Variants in INVS observed in about 807,000 individuals in gnomAD.
The protein encoded by INVS is inversin, also known as inversion of embryo turning homolog.
INVS carries 86 observed loss-of-function variants against 108.8 expected under a neutral mutation model. The observed-to-expected ratio is 0.79, with a 90% CI of 0.66 to 0.95. The LOEUF (loss-of-function observed/expected upper bound fraction) is 0.95, where lower values mean the gene tolerates loss of function less well. Ranked by LOEUF, INVS falls within the 40% of genes least tolerant of loss-of-function variation. INVS has a pLI of 0.00. For synonymous variants in INVS, 455 were observed against 473.5 expected, an observed-to-expected ratio of 0.96 and a Z score of 0.51; for missense variants, 1,169 against 1,297.4, an observed-to-expected ratio of 0.90 and a Z score of 1.52.
At chr9:100,100,912 T>A (rs182078227) in intron 1 of INVS, among the ~76,000 whole-genome samples, 539 of 19,760 alleles carry the variant, frequency 0.027, 106 homozygotes, top group African/African-American at 0.21. Flanking sequence ...TGTATATATA[T>A]TATATGTATA....
chr9:100,100,801 ATGT>A (rs1826876020), intron 1 of INVS, among the ~76,000 whole-genome samples: 4 of 10,052 alleles, frequency 4.0e-4, no homozygotes, highest in African/African-American at 3.5e-4. Flanking sequence ...TATATAATAT[ATGT>A]ATATATAATA....
chr9:100,280,808 C>G (rs12003468), intron 12 of INVS, among the ~76,000 whole-genome samples: 28,010 of 152,124 alleles, frequency 0.18, 3,102 homozygotes, highest in African/African-American at 0.32. Flanking sequence ...CTAGTTATGG[C>G]TGAGTGTGGT....
At chr9:100,278,381 G>A (rs2806696) in intron 12 of INVS, among the ~76,000 whole-genome samples, 50,711 of 151,470 alleles carry the variant, frequency 0.33, 9,157 homozygotes, top group Non-Finnish European at 0.42. Flanking sequence ...TTTTCTCCCC[G>A]TTTAATTAGT....
At position 100,242,691 on chromosome 9, in the gene INVS, A is replaced by G; in HGVS notation, c.906+12A>G. The G allele has an allele frequency of 1.4e-6, 2 of 1,406,402 alleles. No homozygotes were observed. The highest frequency in any genetic ancestry group is 2.0e-6 in the Non-Finnish European group (2 of 990,764). 87.1% of individuals were successfully genotyped at this position (1,406,402 alleles called of 1,614,324 possible). On this transcript the variant is annotated intron_variant, in intron 7 of 16. Coordinates refer to ENST00000262457, the MANE Select transcript of INVS (RefSeq NM_014425.5). ...AGAGTAACTTTGCTGTAAGTAAAAC[A>G]AGACAATGCTCTTTTTTCTTAGTGA...
At chr9:100,228,664 GT>G (rs971753798) in intron 4 of INVS, among the ~76,000 whole-genome samples, 63 of 152,224 alleles carry the variant, frequency 4.1e-4, no homozygotes, top group Middle Eastern at 3.4e-3. Context: ...TGCCTAAGAG[GT>G]CAGATTCTGG....
chr9:100,173,653 C>T (rs976180369), intron 3 of INVS, among the ~76,000 whole-genome samples: 13 of 152,198 alleles, frequency 8.5e-5, no homozygotes, highest in East Asian at 7.7e-4. Flanking sequence ...CGCTTGAACC[C>T]GGGAGGCAGA....
At chr9:100,185,516 AATAT>A (rs35603398) in intron 3 of INVS, among the ~76,000 whole-genome samples, 1,408 of 110,546 alleles carry the variant, frequency 0.013, 12 homozygotes, top group African/African-American at 0.023. Flanking sequence ...TATGCATAGA[AATAT>A]ATATATATAT....
At chr9:100,133,800 CACACAT>C (rs1020272207) in intron 3 of INVS, among the ~76,000 whole-genome samples, 14 of 148,330 alleles carry the variant, frequency 9.4e-5, no homozygotes, top group African/African-American at 3.7e-4. Flanking sequence ...CACACACACA[CACACAT>C]ACACACATCC....
chr9:100,270,853 A>G (rs2491098), intron 11 of INVS, among the ~76,000 whole-genome samples: 78,313 of 149,710 alleles, frequency 0.52, 21,325 homozygotes, highest in African/African-American at 0.57. Flanking sequence ...GCCCAGGAGG[A>G]GTCGAGGCTG....
chr9:100,147,923 C>T (rs1588038839), intron 3 of INVS, among the ~76,000 whole-genome samples: 2 of 151,880 alleles, frequency 1.3e-5, no homozygotes, highest in East Asian at 3.9e-4. Flanking sequence ...ATGGCTTACA[C>T]CTGTAATCCC....
intron 13 of INVS, among the ~76,000 whole-genome samples, chr9:100,291,636 A>G (rs953665276): frequency 6.6e-6 from 1 of 152,186 alleles, no homozygotes; most frequent in African/African-American, 2.4e-5. Context: ...ATCCTGGGAT[A>G]TCTCCATCCT....
chr9:100,214,345 C>G (rs1181498182), intron 3 of INVS, among the ~76,000 whole-genome samples: 2 of 152,136 alleles, frequency 1.3e-5, no homozygotes, highest in Admixed American at 1.3e-4. Flanking sequence ...TTACAGGGGC[C>G]AAAAAGCAAC....
intron 3 of INVS, among the ~76,000 whole-genome samples, chr9:100,136,055 A>G (rs1443579271): frequency 2.0e-5 from 3 of 152,060 alleles, no homozygotes; most frequent in Admixed American, 2.0e-4. Context: ...TTCCTTTTCC[A>G]CTAAATGACT....
chr9:100,294,202 A>G (rs1833718257), intron 14 of INVS, among the ~76,000 whole-genome samples: 1 of 152,192 alleles, frequency 6.6e-6, no homozygotes. Context: ...TGTCGCCGCC[A>G]TCACTGGGGA....
chr9:100,210,426 A>G lies in INVS; in HGVS notation c.274-15636A>G, dbSNP rs142065506. On this transcript the variant is annotated intron_variant, in intron 3 of 16. Coordinates refer to ENST00000262457, the MANE Select transcript of INVS (RefSeq NM_014425.5). ...ATTCAGAAAATACTTATTGCCCTCC[A>G]TATCAAAGAAATTGGGAGCAGGAAC... Among the ~76,000 whole-genome samples the G allele has an allele frequency of 3.4e-3, 518 of 152,326 alleles. 2 individuals are homozygous for G. Among genetic ancestry groups the G allele is most frequent in the African/African-American group, 0.011 (470 of 41,572 alleles).
chr9:100,262,973 C>T (rs376544702), intron 10 of INVS, among the ~76,000 whole-genome samples: 1 of 152,124 alleles, frequency 6.6e-6, no homozygotes, highest in Non-Finnish European at 1.5e-5. Flanking sequence ...TGTTCTTGAA[C>T]TCCTGAGCTC....
intron 3 of INVS, chr9:100,129,779 T>A: frequency 3.1e-6 from 2 of 647,778 alleles, no homozygotes; most frequent in Non-Finnish European, 5.7e-6. Context: ...TTTTCCTTTA[T>A]GACATTTTCC....
Position 100,263,699 on chromosome 9 carries a change from A to G in INVS, c.1465-1123A>G, listed in dbSNP as rs974871277. ...GTAACATAACATATTCACAGGTACC[A>G]GGCACTAGGATATGGACATCTTTGT... On this transcript the variant is annotated intron_variant, in intron 10 of 16. Transcript: ENST00000262457. Among the ~76,000 whole-genome samples, 47 of 152,232 alleles carry G rather than the reference A, an allele frequency of 3.1e-4. 1 individual carries two copies. The highest frequency in any genetic ancestry group is 2.9e-3 in the Admixed American group (45 of 15,286).
intron 11 of INVS, among the ~76,000 whole-genome samples, chr9:100,265,409 A>G (rs755666061): frequency 6.6e-6 from 1 of 152,220 alleles, no homozygotes; most frequent in Non-Finnish European, 1.5e-5. Context: ...CTTTCATGCA[A>G]TGTTGATTTA....
Sources: allele counts gnomAD v4.1 joint callset (sites outside exome capture counted in the v4.1 genomes callset), GRCh38; gene constraint gnomAD v4.1.1; transcripts MANE v1.5; gene names NCBI Gene and HGNC (gene_info 2026-07-23, HGNC 2026-07-21).